The following WARS2 variants were observed in gnomAD, a reference collection of about 807,000 sequenced individuals.
WARS2 encodes tryptophanyl tRNA synthetase 2, mitochondrial, also known as tryptophan--tRNA ligase, mitochondrial.
A neutral mutation model predicts 36.5 loss-of-function variants in WARS2; 28 were observed. The observed-to-expected ratio is 0.77, with a 90% confidence interval of 0.57 to 1.05. WARS2 has a LOEUF of 1.05. Ranked by LOEUF, WARS2 falls within the 50% of genes least tolerant of loss-of-function variation. The probability of loss-of-function intolerance (pLI) is 0.00; values close to 1 mark genes in which losing one functional copy is unlikely to be tolerated. For missense variants in WARS2, 435 were observed against 456.8 expected, an observed-to-expected ratio of 0.95 and a Z score of 0.44; for synonymous variants, 174 against 178.4, an observed-to-expected ratio of 0.98 and a Z score of 0.20.
intron 1 of WARS2, chr1:119,085,857 T>G (rs938947490): frequency 6.2e-7 from 1 of 1,610,388 alleles, no homozygotes; most frequent in African/African-American, 1.3e-5. Context: ...GGCACTGTCC[T>G]TGTACTCGGA....
At position 119,097,064 on chromosome 1, in the gene WARS2, A is replaced by G. The variant is rs367925409; in HGVS notation, c.91-20457T>C. Among the ~76,000 whole-genome samples, 10 of 152,294 alleles carry G rather than the reference A, an allele frequency of 6.6e-5. 1 individual carries two copies. The highest frequency in any genetic ancestry group is 2.4e-4 in the African/African-American group (10 of 41,564). ...GTAAATGCTCATGTCTGGACCATCA[A>G]ACAGTAAAGGACAGTGAGAAATGTA... On this transcript the variant is annotated intron_variant, in intron 1 of 5. Coordinates refer to ENST00000235521, the MANE Select transcript of WARS2 (RefSeq NM_015836.4).
At chr1:119,046,299 T>G (rs1648824931) in intron 2 of WARS2, among the ~76,000 whole-genome samples, 3 of 150,262 alleles carry the variant, frequency 2.0e-5, no homozygotes, top group South Asian at 2.1e-4. Flanking sequence ...TTTTTTTTTT[T>G]TTTTTTTTTT....
chr1:119,047,734 G>A (rs1430159265), intron 2 of WARS2, among the ~76,000 whole-genome samples: 3 of 152,142 alleles, frequency 2.0e-5, no homozygotes, highest in Non-Finnish European at 4.4e-5. Flanking sequence ...AGGAAAAATG[G>A]TATCTAAATA....
chr1:119,077,917 C>G lies in WARS2; in HGVS notation c.91-1310G>C, dbSNP rs1257869681. On this transcript the variant is annotated intron_variant, in intron 1 of 5. Transcript: ENST00000235521. The stretch of plus-strand genomic sequence containing the variant: ...GCATCATTATCATTTTTAACCACCA[C>G]CACAGCAAAACAATAGCAGCAATAA... 3.3e-5 allele frequency among the ~76,000 whole-genome samples: 5 copies of G among 152,272 alleles called. No individual in the cohort carries two copies. In the South Asian group the frequency reaches 6.2e-4, roughly 19 times the overall value.
chr1:119,085,056 CT>C, intron 1 of WARS2: 1 of 710,060 alleles, frequency 1.4e-6, no homozygotes, highest in Non-Finnish European at 2.6e-6. Flanking sequence ...GCGCTGGGTC[CT>C]TTTATGCCTA....
chr1:119,103,289 G>A (rs1168417289), intron 1 of WARS2, among the ~76,000 whole-genome samples: 4 of 152,130 alleles, frequency 2.6e-5, no homozygotes, highest in Non-Finnish European at 5.9e-5. Flanking sequence ...GCTAGGGCCA[G>A]GTCTGGCTTC....
chr1:119,082,400 T>G (rs1366011699), intron 1 of WARS2: 1 of 985,320 alleles, frequency 1.0e-6, no homozygotes, highest in Non-Finnish European at 1.2e-6. Flanking sequence ...GTGATGAAAT[T>G]TAGCTATCAG....
intron 1 of WARS2, among the ~76,000 whole-genome samples, chr1:119,091,757 G>C (rs1185604248): frequency 1.3e-5 from 2 of 152,138 alleles, no homozygotes; most frequent in Admixed American, 1.3e-4. Context: ...AACAGGAAGG[G>C]GGAAGGAATC....
At chr1:119,135,496 T>C (rs1165994181) in intron 1 of WARS2, among the ~76,000 whole-genome samples, 3 of 152,230 alleles carry the variant, frequency 2.0e-5, no homozygotes, top group Admixed American at 2.0e-4. Context: ...GTGTCACTGC[T>C]ATTTACTTAC....
chr1:119,115,343 C>T (rs924259543), intron 1 of WARS2, among the ~76,000 whole-genome samples: 4 of 152,082 alleles, frequency 2.6e-5, no homozygotes, highest in African/African-American at 9.7e-5. Context: ...GACAAGTTGG[C>T]AGTAACCCTT....
chr1:119,071,311 C>T (rs1651300875), intron 2 of WARS2, among the ~76,000 whole-genome samples: 1 of 152,154 alleles, frequency 6.6e-6, no homozygotes, highest in African/African-American at 2.4e-5. Flanking sequence ...AAAAACAGGA[C>T]TATCATGTAA....
chr1:119,127,226 G>T (rs145121584), intron 1 of WARS2: 6 of 740,048 alleles, frequency 8.1e-6, no homozygotes, highest in South Asian at 5.5e-5. Context: ...AAAATGGATC[G>T]ACCACTTTCT....
chr1:119,124,527 GAAATA>G (rs1047393942), intron 1 of WARS2, among the ~76,000 whole-genome samples: 10 of 151,998 alleles, frequency 6.6e-5, no homozygotes. Context: ...GAAATGACAT[GAAATA>G]AAATATAAAA....
At chr1:119,066,395 G>C (rs777874426) in intron 2 of WARS2, among the ~76,000 whole-genome samples, 1 of 149,936 alleles carries the variant, frequency 6.7e-6, no homozygotes, top group Non-Finnish European at 1.5e-5. Context: ...GGAGAATGGC[G>C]TGAACCTGGG....
At chr1:119,046,990 G>GT (rs1011538197) in intron 2 of WARS2, among the ~76,000 whole-genome samples, 9 of 152,130 alleles carry the variant, frequency 5.9e-5, no homozygotes, top group African/African-American at 2.2e-4. Context: ...GGGAAGAGTT[G>GT]TTTTTCACGT....
chr1:119,131,379 G>A (rs886163730), intron 1 of WARS2, among the ~76,000 whole-genome samples: 7 of 151,896 alleles, frequency 4.6e-5, no homozygotes, highest in Non-Finnish European at 8.8e-5. Flanking sequence ...GAAATTTTGT[G>A]AACTCTAGGG....
At chr1:119,099,183 C>T (rs2101446828) in intron 1 of WARS2, among the ~76,000 whole-genome samples, 1 of 152,208 alleles carries the variant, frequency 6.6e-6, no homozygotes, top group South Asian at 2.1e-4. Context: ...TTTCTCTTTT[C>T]TGGAAGACAG....
chr1:119,105,103 C>G (rs1038162364), intron 1 of WARS2, among the ~76,000 whole-genome samples: 24 of 152,076 alleles, frequency 1.6e-4, no homozygotes, highest in Admixed American at 1.6e-3. Flanking sequence ...GTATTTTTGG[C>G]AAGCAAATGG....
intron 1 of WARS2, among the ~76,000 whole-genome samples, chr1:119,105,183 G>A (rs1233381894): frequency 6.6e-6 from 1 of 152,118 alleles, no homozygotes; most frequent in East Asian, 1.9e-4. Flanking sequence ...AAATGGGTGT[G>A]GGGCTGAGGA....
Sources: allele counts gnomAD v4.1 joint callset (sites outside exome capture counted in the v4.1 genomes callset), GRCh38; gene constraint gnomAD v4.1.1; transcripts MANE v1.5; gene names NCBI Gene and HGNC (gene_info 2026-07-23, HGNC 2026-07-21).